The following RBFOX1 variants were observed in gnomAD, a reference collection of about 807,000 sequenced individuals.
The protein encoded by RBFOX1 is RNA binding fox-1 homolog 1, also known as RNA binding protein fox-1 homolog 1.
Under a neutral mutation model 57.7 loss-of-function variants are expected in RBFOX1, and 8 were observed. The ratio of observed to expected loss-of-function variants is 0.14; its 90% CI spans 0.08 to 0.25. RBFOX1 has a LOEUF of 0.25. Ranked by LOEUF, RBFOX1 falls within the 10% of genes least tolerant of loss-of-function variation. The pLI is 1.00. For synonymous variants in RBFOX1, 326 were observed against 222.4 expected (o/e 1.47, Z -4.15); for missense variants, 611 against 548.5 (o/e 1.11, Z -1.14).
At chr16:6,812,145 TAATG>T (rs578036294) in intron 3 of RBFOX1, among the ~76,000 whole-genome samples, 129 of 152,272 alleles carry the variant, frequency 8.5e-4, no homozygotes, top group African/African-American at 3.0e-3. Context: ...CGTTTTAAAT[TAATG>T]AATGATTTTC....
intron 1 of RBFOX1, chr16:5,365,777 A>G: frequency 2.0e-6 from 1 of 500,736 alleles, no homozygotes; most frequent in South Asian, 1.5e-5. Flanking sequence ...TCTCCCACCT[A>G]AGTGCATGCT....
chr16:5,500,201 C>CATTCCATTCG (rs1331648575), intron 2 of RBFOX1, among the ~76,000 whole-genome samples: 20 of 130,666 alleles, frequency 1.5e-4, no homozygotes, highest in African/African-American at 7.0e-4. Flanking sequence ...CCCTTCATTC[C>CATTCCATTCG]ATTCCATTGC....
intron 4 of RBFOX1, among the ~76,000 whole-genome samples, chr16:7,116,935 G>A (rs538210524): frequency 2.0e-5 from 3 of 152,250 alleles, no homozygotes; most frequent in South Asian, 2.1e-4. Flanking sequence ...TTCTTTGGGA[G>A]GATATAACCT....
intron 2 of RBFOX1, among the ~76,000 whole-genome samples, chr16:6,485,754 TTC>T (rs1190717427): frequency 3.3e-5 from 5 of 152,212 alleles, no homozygotes; most frequent in Non-Finnish European, 7.3e-5. Context: ...CGAAAGTACT[TTC>T]TGTCTCATGA....
At chr16:5,775,711 C>A (rs567195921) in intron 3 of RBFOX1, among the ~76,000 whole-genome samples, 1 of 152,304 alleles carries the variant, frequency 6.6e-6, no homozygotes, top group African/African-American at 2.4e-5. Flanking sequence ...ACTCTGAATC[C>A]TTAGAGCCTG....
intron 2 of RBFOX1, among the ~76,000 whole-genome samples, chr16:5,521,145 C>G (rs1282785448): frequency 6.6e-6 from 1 of 152,154 alleles, no homozygotes; most frequent in Admixed American, 6.6e-5. Context: ...GTCTGGCTTT[C>G]CAACCCTTGC....
intron 4 of RBFOX1, among the ~76,000 whole-genome samples, chr16:7,450,947 G>A (rs966372672): frequency 1.3e-5 from 2 of 152,166 alleles, no homozygotes; most frequent in Non-Finnish European, 2.9e-5. Context: ...CCAGGAAGAG[G>A]CCTCTGCACA....
intron 5 of RBFOX1, among the ~76,000 whole-genome samples, chr16:7,534,711 C>T (rs1437151644): frequency 6.6e-6 from 1 of 152,132 alleles, no homozygotes; most frequent in Non-Finnish European, 1.5e-5. Flanking sequence ...TTCCTTTTCA[C>T]AGTAAGGGTT....
At chr16:7,345,298 G>A (rs2096975526) in intron 4 of RBFOX1, among the ~76,000 whole-genome samples, 1 of 152,116 alleles carries the variant, frequency 6.6e-6, no homozygotes, top group Admixed American at 6.5e-5. Flanking sequence ...GTTTTGGCGA[G>A]CAGTGTAAAC....
chr16:7,480,821 G>C (rs1376999887), intron 4 of RBFOX1, among the ~76,000 whole-genome samples: 2 of 152,122 alleles, frequency 1.3e-5, no homozygotes, highest in Non-Finnish European at 2.9e-5. Context: ...GGAGGAAGCA[G>C]AAAGCAGCTG....
chr16:6,623,198 A>G (rs1273162333), intron 2 of RBFOX1, among the ~76,000 whole-genome samples: 4 of 152,210 alleles, frequency 2.6e-5, no homozygotes, highest in African/African-American at 4.8e-5. Flanking sequence ...ACATGCATGC[A>G]AATGAATTAG....
At chr16:5,693,048 G>A (rs969829283) in intron 3 of RBFOX1, among the ~76,000 whole-genome samples, 3 of 152,176 alleles carry the variant, frequency 2.0e-5, no homozygotes, top group African/African-American at 7.2e-5. Flanking sequence ...TTTAAGTATG[G>A]AAGTTTGTAT....
intron 2 of RBFOX1, among the ~76,000 whole-genome samples, chr16:5,587,270 T>C (rs1329103064): frequency 6.6e-6 from 1 of 152,150 alleles, no homozygotes; most frequent in Non-Finnish European, 1.5e-5. Flanking sequence ...ATGGGCAAAG[T>C]GTCCGAATAG....
chr16:7,265,012 G>C (rs2095072066), intron 4 of RBFOX1, among the ~76,000 whole-genome samples: 1 of 152,164 alleles, frequency 6.6e-6, no homozygotes, highest in Non-Finnish European at 1.5e-5. Context: ...CAAACCATAG[G>C]CTCTGGACTT....
intron 1 of RBFOX1, among the ~76,000 whole-genome samples, chr16:5,372,672 C>G (rs751174055): frequency 2.0e-5 from 3 of 152,142 alleles, no homozygotes; most frequent in Non-Finnish European, 4.4e-5. Flanking sequence ...ACAGAATCGG[C>G]TTTGCAAGGA....
At chr16:6,518,816 TATCTATC>T (rs2096441586) in intron 2 of RBFOX1, among the ~76,000 whole-genome samples, 1 of 113,230 alleles carries the variant, frequency 8.8e-6, no homozygotes, top group Admixed American at 9.6e-5. Context: ...TCTATCTATC[TATCTATC>T]TATCTATCTA....
At chr16:6,495,037 T>A (rs1281413114) in intron 2 of RBFOX1, among the ~76,000 whole-genome samples, 2 of 152,200 alleles carry the variant, frequency 1.3e-5, no homozygotes, top group African/African-American at 4.8e-5. Flanking sequence ...TATACAGTCA[T>A]CACCACTTAG....
rs542810624 is a variant in RBFOX1, at chr16:6,692,179, A to T, written c.-16+37529A>T. Among the ~76,000 whole-genome samples the T allele has an allele frequency of 8.0e-4, 122 of 152,332 alleles. 1 individual carries two copies. The highest frequency in any genetic ancestry group is 2.5e-3 in the African/African-American group (105 of 41,586). The stretch of plus-strand genomic sequence containing the variant: ...TTTTACAGATGACAAAACCAAGGTA[A>T]CTATAAAGATTACTTTGTTACAAGT... On this transcript the variant is annotated intron_variant, in intron 3 of 15. Transcript: ENST00000550418.
At chr16:6,798,017 G>T (rs1047090873) in intron 3 of RBFOX1, among the ~76,000 whole-genome samples, 1 of 152,114 alleles carries the variant, frequency 6.6e-6, no homozygotes, top group Non-Finnish European at 1.5e-5. Context: ...TGATGATGAT[G>T]ATGATGGTGA....
Sources: allele counts gnomAD v4.1 joint callset (sites outside exome capture counted in the v4.1 genomes callset), GRCh38; gene constraint gnomAD v4.1.1; transcripts MANE v1.5; gene names NCBI Gene and HGNC (gene_info 2026-07-23, HGNC 2026-07-21).